POFUT3: variants seen among roughly 807,000 people sequenced by gnomAD.
POFUT3 encodes protein O-fucosyltransferase 3.
the POFUT3 span, among the ~76,000 whole-genome samples, chr8:33,376,672 T>G: frequency 2.0e-5 from 3 of 152,164 alleles, no homozygotes; most frequent in African/African-American, 7.2e-5. Context: ...AAATTGAAAT[T>G]GCAAACCATT....
the POFUT3 span, among the ~76,000 whole-genome samples, chr8:33,364,656 C>T: frequency 6.6e-6 from 1 of 152,148 alleles, no homozygotes; most frequent in Non-Finnish European, 1.5e-5. Context: ...AGTGAACTCC[C>T]ATTCACAATT....
At chr8:33,323,981 G>C in the POFUT3 span, among the ~76,000 whole-genome samples, 4 of 152,112 alleles carry the variant, frequency 2.6e-5, no homozygotes, top group East Asian at 7.7e-4. Flanking sequence ...TCACCTAAGA[G>C]CCCAGAGCAA....
chr8:33,447,374 G>A, the POFUT3 span, among the ~76,000 whole-genome samples: 5 of 152,018 alleles, frequency 3.3e-5, no homozygotes, highest in East Asian at 1.9e-4. Context: ...GTGTGAACTT[G>A]GGAGGCGGAG....
the POFUT3 span, among the ~76,000 whole-genome samples, chr8:33,472,181 T>G: frequency 6.6e-6 from 1 of 152,188 alleles, no homozygotes; most frequent in African/African-American, 2.4e-5. Flanking sequence ...TTCAAAACTG[T>G]GGCCAGCCAG....
chr8:33,388,747 G>T, the POFUT3 span: 1 of 576,646 alleles, frequency 1.7e-6, no homozygotes, highest in Non-Finnish European at 3.1e-6. Context: ...AAAGGAGAAT[G>T]AAGGCTTTCA....
At chr8:33,370,622 C>A in the POFUT3 span, among the ~76,000 whole-genome samples, 1 of 152,144 alleles carries the variant, frequency 6.6e-6, no homozygotes, top group Non-Finnish European at 1.5e-5. Flanking sequence ...AGGATTTTAT[C>A]TATGGACTTG....
chr8:33,309,490 G>A, the POFUT3 span, among the ~76,000 whole-genome samples: 1 of 151,694 alleles, frequency 6.6e-6, no homozygotes, highest in Non-Finnish European at 1.5e-5. Context: ...ATTTCCCTGT[G>A]GAAGGAAGAT....
the POFUT3 span, among the ~76,000 whole-genome samples, chr8:33,379,577 C>G: frequency 6.6e-6 from 1 of 151,952 alleles, no homozygotes. Context: ...GTGGCTCACG[C>G]CTGTAATCTC....
At chr8:33,409,553 C>A in the POFUT3 span, among the ~76,000 whole-genome samples, 639 of 152,336 alleles carry the variant, frequency 4.2e-3, 5 homozygotes, top group African/African-American at 0.014. Flanking sequence ...CTGGAAATAT[C>A]TAAAGAAAAG....
chr8:33,314,657 A>C, the POFUT3 span, among the ~76,000 whole-genome samples: 1 of 152,128 alleles, frequency 6.6e-6, no homozygotes, highest in Non-Finnish European at 1.5e-5. Context: ...TAAATACATA[A>C]ATTTGTGGTT....
chr8:33,428,526 G>T, the POFUT3 span, among the ~76,000 whole-genome samples: 2 of 152,116 alleles, frequency 1.3e-5, no homozygotes, highest in South Asian at 4.2e-4. Context: ...CAAGGGAGAT[G>T]GTAACCTATT....
chr8:33,397,369 G>A, the POFUT3 span, among the ~76,000 whole-genome samples: 49,773 of 151,962 alleles, frequency 0.33, 10,092 homozygotes, highest in East Asian at 0.57. Context: ...CGCTCTTGGG[G>A]GTGAGTTAAC....
the POFUT3 span, among the ~76,000 whole-genome samples, chr8:33,448,249 G>A: frequency 2.0e-5 from 3 of 152,074 alleles, no homozygotes; most frequent in South Asian, 6.2e-4. Context: ...AGGAAGCTGA[G>A]GCAGGACAAA....
chr8:33,378,390 C>T, the POFUT3 span, among the ~76,000 whole-genome samples: 4 of 152,096 alleles, frequency 2.6e-5, no homozygotes, highest in Non-Finnish European at 5.9e-5. Flanking sequence ...CCATTTTGGG[C>T]CTAGAATCCT....
the POFUT3 span, chr8:33,338,906 G>C: frequency 6.6e-6 from 1 of 152,096 alleles, no homozygotes; most frequent in Non-Finnish European, 1.5e-5. Context: ...GAATGATACA[G>C]AGATTACTAT....
the POFUT3 span, among the ~76,000 whole-genome samples, chr8:33,355,270 T>C: frequency 1.3e-5 from 2 of 152,206 alleles, no homozygotes; most frequent in East Asian, 3.8e-4. Context: ...GGCTCACTTA[T>C]AAGTGCTGAC....
the POFUT3 span, chr8:33,452,601 TAA>T: frequency 6.6e-6 from 1 of 152,124 alleles, no homozygotes; most frequent in Non-Finnish European, 1.5e-5. Context: ...AAAACTTTTT[TAA>T]AAGTTTTAAA....
chr8:33,361,641 A>G, the POFUT3 span, among the ~76,000 whole-genome samples: 1 of 152,208 alleles, frequency 6.6e-6, no homozygotes, highest in Non-Finnish European at 1.5e-5. Flanking sequence ...TGTGACTTCC[A>G]TTCATTGCTA....
At chr8:33,458,722 A>C in the POFUT3 span, among the ~76,000 whole-genome samples, 1 of 152,070 alleles carries the variant, frequency 6.6e-6, no homozygotes, top group African/African-American at 2.4e-5. Context: ...TCAAAAAACA[A>C]AAAACAAAAA....
Sources: allele counts gnomAD v4.1 joint callset (sites outside exome capture counted in the v4.1 genomes callset), GRCh38; gene constraint gnomAD v4.1.1; transcripts MANE v1.5; gene names NCBI Gene and HGNC (gene_info 2026-07-23, HGNC 2026-07-21).